ZKSCAN5: variants seen among roughly 807,000 people sequenced by gnomAD.
ZKSCAN5 encodes the protein zinc finger protein with KRAB and SCAN domains 5.
Under a neutral mutation model 60.0 loss-of-function variants are expected in ZKSCAN5, and 28 were observed. That is an observed-to-expected ratio of 0.47 (90% CI 0.35 to 0.64). The LOEUF (loss-of-function observed/expected upper bound fraction) is 0.64. Ranked by LOEUF, ZKSCAN5 falls within the 30% of genes least tolerant of loss-of-function variation. The pLI, the probability that ZKSCAN5 is intolerant of heterozygous loss-of-function variation, is 0.01. For missense variants in ZKSCAN5, 881 were observed against 1,034.6 expected (o/e 0.85, Z 2.04); for synonymous variants, 361 against 371.2 (o/e 0.97, Z 0.31).
intron 3 of ZKSCAN5, among the ~76,000 whole-genome samples, chr7:99,515,833 CA>C (rs1165846971): frequency 0.039 from 2,609 of 66,716 alleles, 52 homozygotes; most frequent in African/African-American, 0.12. Context: ...GACTCCATCT[CA>C]AAAAAAAAAA....
chr7:99,525,898 C>A lies in ZKSCAN5; in HGVS notation c.858C>A (p.Thr286=). Residue 286 remains threonine, a synonymous_variant, in exon 6 of 7, where the codon ACC becomes ACA. Transcript: ENST00000326775. ...SESHWVAPEH[T]ERSVPQDPDF... is the part of the protein sequence containing the mutation. ...CACACTGGGTGGCGCCAGAACACACCGAAAGGAGCGTTCCTCAGGATCCAG... is the reference window on the plus strand; with the variant it reads ...CACACTGGGTGGCGCCAGAACACACAGAAAGGAGCGTTCCTCAGGATCCAG... The A allele has an allele frequency of 1.9e-6, 3 of 1,613,908 alleles. No homozygotes were observed. The highest frequency in any genetic ancestry group is 2.5e-6 in the Non-Finnish European group (3 of 1,180,016).
At chr7:99,520,000 G>A in intron 4 of ZKSCAN5, 91 bp downstream of exon 4, 3 of 1,533,528 alleles carry the variant, frequency 2.0e-6, no homozygotes, top group Non-Finnish European at 2.7e-6. Context: ...GGCCCATCTT[G>A]GGTTGGTACC....
In ZKSCAN5 at chr7:99,531,782, G is replaced by C. The variant is rs1360046644; in HGVS notation, c.2053G>C (p.Gly685Arg). 1 of 1,613,962 alleles carries C rather than the reference G, an allele frequency of 6.2e-7. No homozygotes were observed. The highest frequency in any genetic ancestry group is 8.5e-7 in the Non-Finnish European group (1 of 1,180,038). ...SLIEHQVLHM[G>R]QKNEKNGICE... ...AATTGAACATCAGGTGCTCCACATG[G>C]GTCAGAAAAATGAAAAAAATGGCAT... Residue 685 changes from glycine to arginine, a missense_variant, in exon 7 of 7, where the codon GGT becomes CGT. Physicochemically the swap from Gly to Arg is moderately radical, Grantham distance 125 (BLOSUM62 -2). Around this residue, in one of 5 missense-constraint regions of ZKSCAN5, gnomAD observed 112 missense variants for 182.4 expected, o/e 0.61. Transcript: ENST00000326775.
At chr7:99,505,933 ACATCAG>A in intron 1 of ZKSCAN5, 66 bp from the exon 2 acceptor site, 41 of 1,260,654 alleles carry the variant, frequency 3.3e-5, no homozygotes, top group Non-Finnish European at 4.5e-5. Context: ...GATGCCCAAT[ACATCAG>A]TAGGTTGCAT....
Position 99,530,034 on chromosome 7 carries a change from C to CTT in ZKSCAN5, c.1379-1056_1379-1055dup, listed in dbSNP as rs34431974. Among the ~76,000 whole-genome samples the CTT allele has an allele frequency of 9.5e-4, 100 of 105,142 alleles. 2 individuals carry two copies. Among genetic ancestry groups the CTT allele is most frequent in the African/African-American group, 2.3e-3 (59 of 25,130 alleles). 69.0% of individuals were successfully genotyped at this position (105,142 alleles called of 152,430 possible). On this transcript the variant is annotated intron_variant, in intron 6 of 6. Transcript: ENST00000326775. Reference sequence around the variant, plus strand: ...CAGGCGTGAGCCACCTGCACCCGGCCTTTTTTTTTTTTTTTTTTTGAGATG... The same window carrying CTT: ...CAGGCGTGAGCCACCTGCACCCGGCCTTTTTTTTTTTTTTTTTTTTTGAGATG...
rs771762075 is a variant in ZKSCAN5 at position 99,531,494 on chromosome 7, C to T, written c.1765C>T (p.Arg589Cys). ...CEECGKSYNQ[R>C]VHLTQHQRVH... ...GGAATGTGGGAAAAGCTACAACCAA[C>T]GCGTGCACCTAACTCAGCATCAGCG... is the stretch of plus-strand genomic sequence containing the variant. The change falls in exon 7 of 7, where the codon CGC becomes TGC. Residue 589 changes from arginine (R) to cysteine (C), a missense_variant. Physicochemically the swap from Arg to Cys is radical, Grantham distance 180. This residue lies in a region of ZKSCAN5 where 112 missense variants were observed against 182.4 expected (regional missense o/e 0.61). Coordinates refer to ENST00000326775, the MANE Select transcript of ZKSCAN5 (RefSeq NM_145102.4). 29 of 1,614,078 alleles carry T rather than the reference C, an allele frequency of 1.8e-5. No homozygotes were observed. The highest frequency in any genetic ancestry group is 5.0e-5 in the Admixed American group (3 of 60,002).
chr7:99,511,922 TG>T (rs1354750824), intron 2 of ZKSCAN5, among the ~76,000 whole-genome samples: 1 of 152,176 alleles, frequency 6.6e-6, no homozygotes, highest in Non-Finnish European at 1.5e-5. Context: ...CCTGAGTAGC[TG>T]GGACTACAGG....
At chr7:99,512,666 C>A in intron 3 of ZKSCAN5, 75 bp downstream of exon 3, 1 of 1,532,254 alleles carries the variant, frequency 6.5e-7, no homozygotes, top group Non-Finnish European at 8.8e-7. Flanking sequence ...GCACTATCTG[C>A]GGGAGAGAGA....
intron 3 of ZKSCAN5, among the ~76,000 whole-genome samples, chr7:99,518,279 A>T (rs573267958): frequency 3.4e-4 from 51 of 151,696 alleles, no homozygotes; most frequent in Non-Finnish European, 6.3e-4. Context: ...AAATTAGCCA[A>T]GCTTGGTGGT....
intron 3 of ZKSCAN5, among the ~76,000 whole-genome samples, chr7:99,517,061 A>G (rs60949337): frequency 0.015 from 2,248 of 152,150 alleles, 51 homozygotes; most frequent in African/African-American, 0.051. Context: ...ATTGCAAAAA[A>G]ACCCCTCATG....
chr7:99,526,639 C>T (rs776454408), intron 6 of ZKSCAN5, among the ~76,000 whole-genome samples: 1 of 152,198 alleles, frequency 6.6e-6, no homozygotes, highest in Non-Finnish European at 1.5e-5. Flanking sequence ...ACTGCAACTT[C>T]TGCCTCCCCG....
chr7:99,520,008 AC>A (rs1179474520), intron 4 of ZKSCAN5, 99 bp downstream of exon 4: 2 of 1,516,108 alleles, frequency 1.3e-6, no homozygotes, highest in Non-Finnish European at 9.1e-7. Context: ...TTGGGTTGGT[AC>A]CTTCATTCCT....
chr7:99,520,200 T>C lies in ZKSCAN5; in HGVS notation c.668T>C (p.Val223Ala). 6.2e-7 allele frequency: 1 copy of C among 1,613,880 alleles called. No homozygotes were observed. Among genetic ancestry groups the C allele is most frequent in the Non-Finnish European group, 8.5e-7 (1 of 1,179,978 alleles). Residue 223 changes from valine to alanine, a missense_variant, in exon 5 of 7, where the codon GTG becomes GCG. Coordinates refer to ENST00000326775, the MANE Select transcript of ZKSCAN5 (RefSeq NM_145102.4). ...KLVKIEEVAD[V>A]AVSFILEEWG... is the part of the protein sequence containing the mutation. ...GTGAAAATTGAAGAGGTGGCTGATG[T>C]GGCTGTATCCTTCATCCTGGAGGAA...
chr7:99,507,774 C>A (rs1399227332), intron 2 of ZKSCAN5, among the ~76,000 whole-genome samples: 4 of 151,736 alleles, frequency 2.6e-5, no homozygotes, highest in African/African-American at 9.7e-5. Flanking sequence ...GGTGTGGTGG[C>A]ATGCACTTAT....
chr7:99,525,801 CT>C lies in ZKSCAN5; in HGVS notation c.773-11del, dbSNP rs1562913382. The C allele has an allele frequency of 1.3e-6, 2 of 1,579,834 alleles. No individual in the cohort carries two copies. Among genetic ancestry groups the C allele is most frequent in the South Asian group, 1.2e-5 (1 of 86,946 alleles). On this transcript the variant is annotated splice_polypyrimidine_tract_variant and intron_variant, in intron 5 of 6. Coordinates refer to ENST00000326775, the MANE Select transcript of ZKSCAN5 (RefSeq NM_145102.4). ...AAAAGCTCATTTTTTAATTCTCCCT[CT>C]GTTATTTCAGGTTATGAGTCCAGGG...
intron 5 of ZKSCAN5, among the ~76,000 whole-genome samples, chr7:99,521,097 G>A (rs1383387155): frequency 6.6e-6 from 1 of 152,142 alleles, no homozygotes; most frequent in Non-Finnish European, 1.5e-5. Context: ...GGAGATTATA[G>A]CTTTTAGCCT....
At chr7:99,524,206 G>A (rs1390854389) in intron 5 of ZKSCAN5, among the ~76,000 whole-genome samples, 1 of 151,964 alleles carries the variant, frequency 6.6e-6, no homozygotes, top group African/African-American at 2.4e-5. Context: ...GAGTAGCTGG[G>A]ATTACAGGTG....
chr7:99,521,577 T>C (rs1176322915), intron 5 of ZKSCAN5, among the ~76,000 whole-genome samples: 1 of 152,206 alleles, frequency 6.6e-6, no homozygotes, highest in Non-Finnish European at 1.5e-5. Context: ...AGCTTTTATT[T>C]AACAGGTATA....
Position 99,506,431 on chromosome 7 carries a change from G to C in ZKSCAN5, c.387G>C (p.Gln129His). The C allele has an allele frequency of 6.2e-7, 1 of 1,613,012 alleles. No homozygotes were observed. The highest frequency in any genetic ancestry group is 8.5e-7 in the Non-Finnish European group (1 of 1,179,122). ...CGGTGGCCGTGATAGAAAATATACAGCGAGAACTTGAGGAACGCAGACAGC... is the reference window on the plus strand; with the variant it reads ...CGGTGGCCGTGATAGAAAATATACACCGAGAACTTGAGGAACGCAGACAGC... The part of the protein sequence containing the change: ...EEAVAVIENI[Q>H]RELEERRQQI... Residue 129 changes from glutamine to histidine, a missense_variant, in exon 2 of 7, where the codon CAG becomes CAC. Gln to His is a conservative substitution (Grantham distance 24). Transcript: ENST00000326775.
Sources: allele counts gnomAD v4.1 joint callset (sites outside exome capture counted in the v4.1 genomes callset), GRCh38; gene constraint gnomAD v4.1.1; regional missense constraint gnomAD v4.1.1; transcripts MANE v1.5; gene names NCBI Gene and HGNC (gene_info 2026-07-23, HGNC 2026-07-21).